Variants in SOCS4 observed in about 807,000 individuals in gnomAD.
SOCS4 encodes suppressor of cytokine signaling 4.
A neutral mutation model predicts 34.1 loss-of-function variants in SOCS4; 20 were observed. That is an observed-to-expected ratio of 0.59 (90% CI 0.41 to 0.85). The LOEUF is 0.85. SOCS4 is among the 40% of genes least tolerant of loss of function. The pLI is 0.00. For synonymous variants in SOCS4, 180 were observed against 186.4 expected, an observed-to-expected ratio of 0.97 and a Z score of 0.28; for missense variants, 479 against 532.4, an observed-to-expected ratio of 0.90 and a Z score of 0.99.
At chr14:55,033,160 CT>C (rs985626151) in intron 2 of SOCS4, among the ~76,000 whole-genome samples, 5 of 151,210 alleles carry the variant, frequency 3.3e-5, no homozygotes, top group Admixed American at 2.0e-4. Flanking sequence ...GAACCCTACA[CT>C]TTTTTTTTAC....
intron 2 of SOCS4, among the ~76,000 whole-genome samples, chr14:55,042,017 T>C (rs2042624492): frequency 6.6e-6 from 1 of 151,768 alleles, no homozygotes; most frequent in Non-Finnish European, 1.5e-5. Flanking sequence ...GGGCTGGTCA[T>C]GAACTCCTGA....
intron 2 of SOCS4, among the ~76,000 whole-genome samples, chr14:55,041,966 T>C (rs2042623912): frequency 6.6e-6 from 1 of 151,720 alleles, no homozygotes; most frequent in African/African-American, 2.4e-5. Flanking sequence ...TAATTTTTTG[T>C]ATTTTTAGTA....
At chr14:55,039,908 GA>G (rs1302525732) in intron 2 of SOCS4, among the ~76,000 whole-genome samples, 1 of 151,854 alleles carries the variant, frequency 6.6e-6, no homozygotes, top group African/African-American at 2.4e-5. Context: ...AAAAGAAAAA[GA>G]AAAAAAGAAC....
chr14:55,033,745 A>G (rs924553065), intron 2 of SOCS4, among the ~76,000 whole-genome samples: 17 of 152,350 alleles, frequency 1.1e-4, no homozygotes, highest in African/African-American at 3.8e-4. Context: ...CAGACCTTGC[A>G]TGTTATAAAA....
rs2042657356 is a variant in SOCS4, at chr14:55,044,611, T to C, written c.*247T>C. ...GTTTTTACCGTGTAGGTTGTATACTTACATTTTTTCTTTCCTTAATTTATA... is the reference window on the plus strand; with the variant it reads ...GTTTTTACCGTGTAGGTTGTATACTCACATTTTTTCTTTCCTTAATTTATA... On this transcript the variant is annotated 3_prime_UTR_variant, in exon 3 of 3. Coordinates refer to ENST00000555846, the MANE Select transcript of SOCS4 (RefSeq NM_199421.2). 1 of 205,844 alleles carries C rather than the reference T, an allele frequency of 4.9e-6. No homozygotes were observed. The highest frequency in any genetic ancestry group is 6.0e-5 in the Admixed American group (1 of 16,710). The allele number at this position is 205,844 out of a possible 1,614,324, so 12.8% of individuals were successfully genotyped here.
At position 55,045,169 on chromosome 14, in the gene SOCS4, C is replaced by T. The variant is rs773302664; in HGVS notation, c.*805C>T. 2 of 166,800 alleles carry T rather than the reference C, an allele frequency of 1.2e-5. No homozygotes were observed. Among genetic ancestry groups the T allele is most frequent in the Admixed American group, 1.3e-4 (2 of 15,248 alleles). 10.3% of individuals were successfully genotyped at this position (166,800 alleles called of 1,614,324 possible). On this transcript the variant is annotated 3_prime_UTR_variant, in exon 3 of 3. Transcript: ENST00000555846. ...AATCTTGTTCCTTTCTCATTGGAAGCTTTGAAAATAATGATAACACTATTA... is the reference window on the plus strand; with the variant it reads ...AATCTTGTTCCTTTCTCATTGGAAGTTTTGAAAATAATGATAACACTATTA...
At chr14:55,041,735 C>T (rs982008681) in intron 2 of SOCS4, among the ~76,000 whole-genome samples, 4 of 146,176 alleles carry the variant, frequency 2.7e-5, no homozygotes, top group Non-Finnish European at 4.5e-5. Context: ...AGCCTCCCAA[C>T]GAGCTGGGAT....
intron 2 of SOCS4, among the ~76,000 whole-genome samples, chr14:55,033,487 C>T (rs1276980954): frequency 6.6e-6 from 1 of 152,126 alleles, no homozygotes; most frequent in Admixed American, 6.5e-5. Flanking sequence ...CTCTCCATAG[C>T]ACACAGTTAT....
chr14:55,042,564 T>C (rs947500398), intron 2 of SOCS4, among the ~76,000 whole-genome samples: 1 of 152,204 alleles, frequency 6.6e-6, no homozygotes, highest in African/African-American at 2.4e-5. Flanking sequence ...GTGTCTGTCT[T>C]CTACAAATAA....
intron 1 of SOCS4, among the ~76,000 whole-genome samples, chr14:55,030,273 A>G (rs1229098746): frequency 6.6e-6 from 1 of 152,194 alleles, no homozygotes; most frequent in Non-Finnish European, 1.5e-5. Context: ...AGAAAATATA[A>G]TACAATCTTA....
rs2042656352 is a variant in SOCS4, at chr14:55,044,520, A to G, written c.*156A>G. The G allele has an allele frequency of 4.4e-6, 2 of 455,988 alleles. No individual in the cohort carries two copies. The highest frequency in any genetic ancestry group is 8.6e-5 in the East Asian group (2 of 23,242). 28.2% of individuals were successfully genotyped at this position (455,988 alleles called of 1,614,324 possible). On this transcript the variant is annotated 3_prime_UTR_variant, in exon 3 of 3. Transcript: ENST00000555846. ...CTAATAAATCCATTTTTCTAGTGAT[A>G]CACAAATTGTTTAAGGTTATACACT...
In SOCS4 at chr14:55,043,509, C is replaced by T. The variant is rs771488040; in HGVS notation, c.468C>T (p.Ser156=). ...FIKRHTAPIN[S]KSDEWVSTDL... is the part of the protein sequence containing the mutation. ...AACGACACACTGCTCCTATAAATTC[C>T]AAATCAGATGAATGGGTAAGCACAG... Residue 156 remains serine, a synonymous_variant, in exon 3 of 3, where the codon TCC becomes TCT. Coordinates refer to ENST00000555846, the MANE Select transcript of SOCS4 (RefSeq NM_199421.2). 6.2e-7 allele frequency: 1 copy of T among 1,614,108 alleles called. No individual in the cohort carries two copies. Among genetic ancestry groups the T allele is most frequent in the South Asian group, 1.1e-5 (1 of 91,076 alleles).
chr14:55,036,095 C>T (rs1048705128), intron 2 of SOCS4, among the ~76,000 whole-genome samples: 2 of 152,128 alleles, frequency 1.3e-5, no homozygotes, highest in Non-Finnish European at 2.9e-5. Flanking sequence ...CATCCATATA[C>T]ATATATAGAG....
intron 2 of SOCS4, among the ~76,000 whole-genome samples, 172 bp from the exon 3 acceptor site, chr14:55,042,780 A>G (rs1482328894): frequency 6.6e-6 from 1 of 152,200 alleles, no homozygotes; most frequent in Non-Finnish European, 1.5e-5. Flanking sequence ...TGTATATTAT[A>G]TAATATATAG....
chr14:55,037,362 C>G (rs1422101643), intron 2 of SOCS4, among the ~76,000 whole-genome samples: 1 of 151,946 alleles, frequency 6.6e-6, no homozygotes, highest in Non-Finnish European at 1.5e-5. Flanking sequence ...CCAGGCTGGT[C>G]TTGAACTCCT....
At chr14:55,031,186 G>GT (rs1566752677) in intron 1 of SOCS4, among the ~76,000 whole-genome samples, 1 of 152,078 alleles carries the variant, frequency 6.6e-6, no homozygotes, top group Admixed American at 6.5e-5. Context: ...CTTAAATTCT[G>GT]TTAATCTTCC....
At position 55,048,310 on chromosome 14, in the gene SOCS4, TG is replaced by T. The variant is rs2042695044; in HGVS notation, c.*3948del. On this transcript the variant is annotated 3_prime_UTR_variant, in exon 3 of 3. Transcript: ENST00000555846. ...CAATAAACAGCTTACGCATTCATTTTGGTAAAGCAAATTTCACAGGAAAATA... is the reference window on the plus strand; with the variant it reads ...CAATAAACAGCTTACGCATTCATTTTGTAAAGCAAATTTCACAGGAAAATA... 1 of 167,132 alleles carries T rather than the reference TG, an allele frequency of 6.0e-6. No homozygotes were observed. The highest frequency in any genetic ancestry group is 1.5e-5 in the Non-Finnish European group (1 of 68,130). 10.4% of individuals were successfully genotyped at this position (167,132 alleles called of 1,614,324 possible).
rs2042667898 is a variant in SOCS4 at position 55,045,561 on chromosome 14, G to GAA, written c.*1198_*1199dup. The stretch of plus-strand genomic sequence containing the variant: ...ACAGCTACATGACTTACACCATACA[G>GAA]AACAGTACTGGACAAAAGGGGTGAT... On this transcript the variant is annotated 3_prime_UTR_variant, in exon 3 of 3. Coordinates refer to ENST00000555846, the MANE Select transcript of SOCS4 (RefSeq NM_199421.2). The GAA allele has an allele frequency of 6.0e-6, 1 of 166,836 alleles. No individual in the cohort carries two copies. The highest frequency in any genetic ancestry group is 2.1e-4 in the South Asian group (1 of 4,832). 10.3% of individuals were successfully genotyped at this position (166,836 alleles called of 1,614,324 possible). A position where few individuals can be genotyped will look rare whatever the true frequency, so the allele number is the denominator to read the frequency against.
Position 55,028,127 on chromosome 14 carries a change from C to G in SOCS4, c.-220+656C>G, listed in dbSNP as rs113894527. Among the ~76,000 whole-genome samples, 16 of 152,120 alleles carry G rather than the reference C, an allele frequency of 1.1e-4. 1 individual carries two copies. Among genetic ancestry groups the G allele is most frequent in the African/African-American group, 3.4e-4 (14 of 41,512 alleles). On this transcript the variant is annotated intron_variant, in intron 1 of 2. Transcript: ENST00000555846. Reference sequence around the variant, plus strand: ...ATCACATTTATTTTATTACCTGAGACGTTTTTCTGTTGAAGAGGTTTCCCT... The same window carrying G: ...ATCACATTTATTTTATTACCTGAGAGGTTTTTCTGTTGAAGAGGTTTCCCT...
Sources: gnomAD v4.1 joint callset for allele counts (sites outside exome capture counted in the v4.1 genomes callset) on GRCh38, gnomAD v4.1.1 for gene constraint, MANE v1.5 for transcripts, NCBI Gene and HGNC (gene_info 2026-07-23, HGNC 2026-07-21) for gene names.